Variants in SLC44A4 observed in about 807,000 individuals in gnomAD.
The protein encoded by SLC44A4 is solute carrier family 44 member 4, also known as choline transporter-like protein 4.
A neutral mutation model predicts 97.0 loss-of-function variants in SLC44A4; 74 were observed. The observed-to-expected ratio is 0.76, with a 90% CI of 0.63 to 0.93. The LOEUF (loss-of-function observed/expected upper bound fraction) is 0.93. Ranked by LOEUF, SLC44A4 falls within the 40% of genes least tolerant of loss-of-function variation. SLC44A4 has a pLI of 0.00. For missense variants in SLC44A4, 799 were observed against 902.9 expected, an observed-to-expected ratio of 0.88 and a Z score of 1.48; for synonymous variants, 325 against 363.8, an observed-to-expected ratio of 0.89 and a Z score of 1.21.
chr6:31,872,410 A>T (rs9469066), intron 7 of SLC44A4, among the ~76,000 whole-genome samples: 1 of 151,898 alleles, frequency 6.6e-6, no homozygotes, highest in Non-Finnish European at 1.5e-5. Flanking sequence ...TAATTTTTAA[A>T]TTTTTTGTAC....
intron 7 of SLC44A4, among the ~76,000 whole-genome samples, chr6:31,873,654 G>C (rs959816091): frequency 6.7e-6 from 1 of 148,842 alleles, no homozygotes; most frequent in Non-Finnish European, 1.5e-5. Flanking sequence ...AAAGACATTT[G>C]CTACTGGAAG....
chr6:31,871,527 AGTAAC>A lies in SLC44A4; in HGVS notation c.559_563del (p.Val187SerfsTer10). On this transcript the variant is annotated frameshift_variant, in exon 8 of 21. Coordinates refer to ENST00000229729, the MANE Select transcript of SLC44A4 (RefSeq NM_025257.3). LOFTEE classifies it high-confidence loss of function. The stretch of plus-strand genomic sequence containing the variant: ...TGGTGATCCCTGGGAGCGCCGGTGG[AGTAAC>A]GTTGGTCCATGGAAAGCAGCGCCCC... 1 of 1,613,650 alleles carries A rather than the reference AGTAAC, an allele frequency of 6.2e-7. No individual in the cohort carries two copies. Among genetic ancestry groups the A allele is most frequent in the East Asian group, 2.2e-5 (1 of 44,860 alleles).
rs192589833 is a variant in SLC44A4 at position 31,865,298 on chromosome 6, G to C, written c.1760+17C>G. 507 of 1,613,962 alleles carry C rather than the reference G, an allele frequency of 3.1e-4. 6 individuals are homozygous for C. In the South Asian group the frequency reaches 4.0e-3, roughly 13 times the overall value. ...ATCAGAGGAGGGAGCCACAAAGCGGGGGGGGAGCAGCCTAACCTGACAATG... is the reference window on the plus strand; with the variant it reads ...ATCAGAGGAGGGAGCCACAAAGCGGCGGGGGAGCAGCCTAACCTGACAATG... On this transcript the variant is annotated intron_variant, in intron 17 of 20. Transcript: ENST00000229729. This position sits in a 1 kb window ranked among gnomAD's most constrained non-coding sequence, Gnocchi z 5.2.
intron 4 of SLC44A4, among the ~76,000 whole-genome samples, chr6:31,875,341 G>A (rs1763387507): frequency 6.6e-6 from 1 of 152,194 alleles, no homozygotes; most frequent in African/African-American, 2.4e-5. Flanking sequence ...ATATAAAACA[G>A]TAGTGCCTAC....
At chr6:31,871,595 C>A in intron 7 of SLC44A4, 34 bp from the exon 8 acceptor site, 1 of 1,551,838 alleles carries the variant, frequency 6.4e-7, no homozygotes, top group Non-Finnish European at 8.9e-7. Flanking sequence ...GGGTTGGGGG[C>A]CAGGAGCTCT....
In SLC44A4 at chr6:31,877,647, A is replaced by T. The variant is rs1041316922; in HGVS notation, c.41-565T>A. 3 of 986,344 alleles carry T rather than the reference A, an allele frequency of 3.0e-6. 1 individual carries two copies. In the South Asian group the frequency reaches 1.4e-4, roughly 46 times the overall value. The allele number at this position is 986,344 out of a possible 1,614,324, so 61.1% of individuals were successfully genotyped here. A position where few individuals can be genotyped will look rare whatever the true frequency, so the allele number is the denominator to read the frequency against. On this transcript the variant is annotated intron_variant, in intron 1 of 20. Coordinates refer to ENST00000229729, the MANE Select transcript of SLC44A4 (RefSeq NM_025257.3). This position sits in a 1 kb window ranked among gnomAD's most constrained non-coding sequence, Gnocchi z 6.5. ...CCTGGGGAGGGAAGCGGCCCTGTAC[A>T]TCCTCACTCTGGTGGGACCTCAGTC...
chr6:31,866,265 G>A, intron 13 of SLC44A4, 139 bp from the exon 14 acceptor site: 2 of 1,140,638 alleles, frequency 1.8e-6, no homozygotes, highest in African/African-American at 1.6e-5. Context: ...CGGGAATCAA[G>A]TTCTGTCGGA....
intron 11 of SLC44A4, among the ~76,000 whole-genome samples, chr6:31,870,284 C>T (rs1415792062): frequency 6.6e-6 from 1 of 152,098 alleles, no homozygotes; most frequent in East Asian, 1.9e-4. Context: ...AGTTCCTGAT[C>T]GGGAGCAAGC....
chr6:31,874,902 G>A lies in SLC44A4; in HGVS notation c.342+27C>T. 1 of 1,613,882 alleles carries A rather than the reference G, an allele frequency of 6.2e-7. No homozygotes were observed. On this transcript the variant is annotated intron_variant, in intron 5 of 20. Transcript: ENST00000229729. This position sits in a 1 kb window ranked among gnomAD's most constrained non-coding sequence, Gnocchi z 4.8. ...AACCTGAGACCCTGGGTGAGATCTG[G>A]GGTAGAGGCAGGTCCCAGGCTCTGA...
intron 7 of SLC44A4, 21 bp from the exon 8 acceptor site, chr6:31,871,582 G>A (rs776552010): frequency 6.3e-7 from 1 of 1,596,674 alleles, no homozygotes; most frequent in Non-Finnish European, 8.6e-7. Flanking sequence ...GAGCCGGGCT[G>A]CTGGGTTGGG....
chr6:31,869,424 C>A, intron 12 of SLC44A4, 121 bp downstream of exon 12: 1 of 979,802 alleles, frequency 1.0e-6, no homozygotes, highest in Admixed American at 2.1e-5. Context: ...GCTGGTGTGT[C>A]TGCCCAGAGA....
rs779148119 is a variant in SLC44A4 at position 31,871,022 on chromosome 6, T to C, written c.727A>G (p.Ser243Gly). The C allele has an allele frequency of 6.2e-7, 1 of 1,610,520 alleles. No individual in the cohort carries two copies. The highest frequency in any genetic ancestry group is 1.3e-5 in the African/African-American group (1 of 74,830). ...LVALGVALVL[S>G]LLFILLLRLV... The stretch of plus-strand genomic sequence containing the variant: ...CGCAGAAGCAAGATAAACAGTAGGC[T>C]CAAGACCAGAGCCACCCCCAGGGCA... The change falls in exon 10 of 21, where the codon AGC becomes GGC. Residue 243 changes from serine to glycine, a missense_variant. Transcript: ENST00000229729.
At position 31,876,940 on chromosome 6, in the gene SLC44A4, T is replaced by C; in HGVS notation, c.89+94A>G. On this transcript the variant is annotated intron_variant, in intron 2 of 20. Coordinates refer to ENST00000229729, the MANE Select transcript of SLC44A4 (RefSeq NM_025257.3). This position sits in a 1 kb window ranked among gnomAD's most constrained non-coding sequence, Gnocchi z 4.8. ...CAGGAGTTTCTCTTTTTCACAAGTTTCCTACTAATATTTTAGCAAATACAA... is the reference window on the plus strand; with the variant it reads ...CAGGAGTTTCTCTTTTTCACAAGTTCCCTACTAATATTTTAGCAAATACAA... The C allele has an allele frequency of 7.7e-7, 1 of 1,291,800 alleles. No homozygotes were observed. The allele number at this position is 1,291,800 out of a possible 1,614,324, so 80.0% of individuals were successfully genotyped here.
Position 31,865,901 on chromosome 6 carries a change from AG to A in SLC44A4, c.1458del (p.Leu487Ter), listed in dbSNP as rs1314692589. On this transcript the variant is annotated frameshift_variant, in exon 14 of 21. Transcript: ENST00000229729. LOFTEE classifies it high-confidence loss of function. The surrounding 1 kb of genome is among the most constrained non-coding windows in gnomAD (Gnocchi z 5.2). ...FHKPQDIPTFPLISAFIRTLR... is the reference protein window; with the variant it reads ...FHKPQDIPTFXLISAFIRTLR... ...AGTGTGCGGATGAAGGCAGAGATTAAGGGGAAGGTAGGGATGTCCTGGGGCT... is the reference window on the plus strand; with the variant it reads ...AGTGTGCGGATGAAGGCAGAGATTAAGGGAAGGTAGGGATGTCCTGGGGCT... 6.2e-7 allele frequency: 1 copy of A among 1,614,146 alleles called. No individual in the cohort carries two copies. Among genetic ancestry groups the A allele is most frequent in the Non-Finnish European group, 8.5e-7 (1 of 1,180,032 alleles).
At chr6:31,873,066 G>A (rs549896352) in intron 7 of SLC44A4, among the ~76,000 whole-genome samples, 1 of 151,798 alleles carries the variant, frequency 6.6e-6, no homozygotes, top group African/African-American at 2.4e-5. Context: ...TAGTAGAGAC[G>A]GGGTTTCACC....
intron 18 of SLC44A4, 36 bp from the exon 19 acceptor site, chr6:31,864,946 T>C: frequency 6.2e-7 from 1 of 1,613,766 alleles, no homozygotes. Context: ...GCTGCACCTC[T>C]GAGGCCACCT....
Position 31,865,020 on chromosome 6 carries a change from G to C in SLC44A4, c.1821C>G (p.Val607=). 6.2e-7 allele frequency: 1 copy of C among 1,613,726 alleles called. No individual in the cohort carries two copies. Among genetic ancestry groups the C allele is most frequent in the Non-Finnish European group, 8.5e-7 (1 of 1,180,024 alleles). ...CTTCTGGTCCCTTACCCACGCCTCC[G>C]ACCACCAGCAGCTTCCCAAAGAACA... The part of the protein sequence containing the change: ...LLLFFGKLLV[V]GGVGVLSFFF... The change falls in exon 18 of 21, where the codon GTC becomes GTG. Residue 607 remains valine (V), a synonymous_variant. Transcript: ENST00000229729. This position sits in a 1 kb window ranked among gnomAD's most constrained non-coding sequence, Gnocchi z 5.2.
chr6:31,878,155 C>T lies in SLC44A4; in HGVS notation c.40+786G>A, dbSNP rs1206047024. ...TCCCTCTCTCCTCAGAACCCCAGCCCCTTTTCCTTGCAGATTCTGGAAACA... is the reference window on the plus strand; with the variant it reads ...TCCCTCTCTCCTCAGAACCCCAGCCTCTTTTCCTTGCAGATTCTGGAAACA... On this transcript the variant is annotated intron_variant, in intron 1 of 20. Transcript: ENST00000229729. This position sits in a 1 kb window ranked among gnomAD's most constrained non-coding sequence, Gnocchi z 4.0. The T allele has an allele frequency of 6.6e-6, 1 of 152,398 alleles. No homozygotes were observed. Among genetic ancestry groups the T allele is most frequent in the African/African-American group, 2.4e-5 (1 of 41,362 alleles). The allele number at this position is 152,398 out of a possible 1,614,324, so 9.4% of individuals were successfully genotyped here. A position where few individuals can be genotyped will look rare whatever the true frequency, so the allele number is the denominator to read the frequency against.
chr6:31,874,874 T>A lies in SLC44A4; in HGVS notation c.343-28A>T. 1 of 1,613,220 alleles carries A rather than the reference T, an allele frequency of 6.2e-7. No individual in the cohort carries two copies. Among genetic ancestry groups the A allele is most frequent in the Non-Finnish European group, 8.5e-7 (1 of 1,179,508 alleles). On this transcript the variant is annotated intron_variant, in intron 5 of 20. Coordinates refer to ENST00000229729, the MANE Select transcript of SLC44A4 (RefSeq NM_025257.3). The surrounding 1 kb of genome is among the most constrained non-coding windows in gnomAD (Gnocchi z 4.8). ...GGGTGCAGAGAGAACACTAAGGGGC[T>A]GGAACCTGAGACCCTGGGTGAGATC...
Sources: allele counts gnomAD v4.1 joint callset (sites outside exome capture counted in the v4.1 genomes callset), GRCh38; gene constraint gnomAD v4.1.1; non-coding constraint Gnocchi (gnomAD v3.1); transcripts MANE v1.5; gene names NCBI Gene and HGNC (gene_info 2026-07-23, HGNC 2026-07-21).